PEX7: variants seen among roughly 807,000 people sequenced by gnomAD.
PEX7 encodes PTS2 receptor.
PEX7 carries 34 observed loss-of-function variants against 47.5 expected under a neutral mutation model. The ratio of observed to expected loss-of-function variants is 0.72; its 90% CI spans 0.54 to 0.95. PEX7 has a LOEUF of 0.95. PEX7 is among the 40% of genes least tolerant of loss of function. The probability of loss-of-function intolerance (pLI) is 0.00; values close to 1 mark genes in which losing one functional copy is unlikely to be tolerated. For missense variants in PEX7, 394 were observed against 400.3 expected, an observed-to-expected ratio of 0.98 and a Z score of 0.13; for synonymous variants, 141 against 148.8, an observed-to-expected ratio of 0.95 and a Z score of 0.38.
intron 3 of PEX7, among the ~76,000 whole-genome samples, chr6:136,836,601 T>G (rs988907815): frequency 3.9e-5 from 6 of 152,208 alleles, no homozygotes; most frequent in Admixed American, 3.3e-4. Flanking sequence ...ATTATTCAAG[T>G]GACTTTAAAA....
chr6:136,910,996 T>C (rs985399084), intron 9 of PEX7, among the ~76,000 whole-genome samples: 1 of 152,238 alleles, frequency 6.6e-6, no homozygotes, highest in African/African-American at 2.4e-5. Flanking sequence ...TTACTATTTT[T>C]AGGTATAATT....
chr6:136,837,154 A>G (rs1255968301), intron 3 of PEX7, among the ~76,000 whole-genome samples: 1 of 151,876 alleles, frequency 6.6e-6, no homozygotes, highest in East Asian at 1.9e-4. Flanking sequence ...GGGTCAGGAG[A>G]TTGAGACCAT....
chr6:136,853,422 G>T (rs559320413), intron 5 of PEX7, among the ~76,000 whole-genome samples: 1 of 152,252 alleles, frequency 6.6e-6, no homozygotes, highest in South Asian at 2.1e-4. Context: ...TCCTCTTTCA[G>T]TTATGCAGCA....
chr6:136,855,740 A>G (rs1306910418), intron 5 of PEX7: 2 of 403,686 alleles, frequency 5.0e-6, no homozygotes, highest in Non-Finnish European at 9.6e-6. Context: ...ACAAACACCC[A>G]GTTTGCCTGA....
In PEX7 at chr6:136,869,248, A is replaced by AT. The variant is rs553783176; in HGVS notation, c.634-632dup. Among the ~76,000 whole-genome samples, 557 of 148,162 alleles carry AT rather than the reference A, an allele frequency of 3.8e-3. 1 individual carries two copies. The highest frequency in any genetic ancestry group is 5.1e-3 in the Non-Finnish European group (340 of 66,548). On this transcript the variant is annotated intron_variant, in intron 6 of 9. Transcript: ENST00000318471. ...CCTTGAAAACCTTTTTTAAATTTTT[A>AT]TTTTTTTTTTAGAGACAGGGTCTCG...
rs114208920 is a variant in PEX7 at position 136,867,798 on chromosome 6, C to A, written c.633+1065C>A. Among the ~76,000 whole-genome samples, 1,170 of 131,244 alleles carry A rather than the reference C, an allele frequency of 8.9e-3. 15 individuals are homozygous for A. Among genetic ancestry groups the A allele is most frequent in the African/African-American group, 0.029 (1,110 of 37,684 alleles). The allele number at this position is 131,244 out of a possible 152,430, so 86.1% of individuals were successfully genotyped here. A position where few individuals can be genotyped will look rare whatever the true frequency, so the allele number is the denominator to read the frequency against. ...CTCAAAACAACAACAACAACAACAA[C>A]AAAAAACTTTAAAAAAAATTAGAAA... On this transcript the variant is annotated intron_variant, in intron 6 of 9. Coordinates refer to ENST00000318471, the MANE Select transcript of PEX7 (RefSeq NM_000288.4).
chr6:136,869,773 A>G, intron 6 of PEX7, 117 bp from the exon 7 acceptor site: 1 of 821,170 alleles, frequency 1.2e-6, no homozygotes, highest in South Asian at 1.3e-5. Context: ...CTCAAAAATG[A>G]CTCCTTGGTT....
At chr6:136,884,301 A>G (rs1273324419) in intron 8 of PEX7, among the ~76,000 whole-genome samples, 1 of 152,178 alleles carries the variant, frequency 6.6e-6, no homozygotes, top group Admixed American at 6.6e-5. Flanking sequence ...TATCCTCTGA[A>G]GAATTTTAAA....
chr6:136,854,288 C>A (rs1000248919), intron 5 of PEX7, among the ~76,000 whole-genome samples: 1 of 152,134 alleles, frequency 6.6e-6, no homozygotes, highest in African/African-American at 2.4e-5. Flanking sequence ...CCTCCGCCTC[C>A]CGGGTTCAAG....
chr6:136,854,061 C>G (rs1450080842), intron 5 of PEX7, among the ~76,000 whole-genome samples: 1 of 122,036 alleles, frequency 8.2e-6, no homozygotes, highest in East Asian at 2.2e-4. Context: ...GTCTTTTATC[C>G]TTCTGTAACA....
In PEX7 at chr6:136,855,500, C is replaced by T. The variant is rs150311714; in HGVS notation, c.526+9319C>T. On this transcript the variant is annotated intron_variant, in intron 5 of 9. Transcript: ENST00000318471. The stretch of plus-strand genomic sequence containing the variant: ...GATTACAGGCACGTGCCACTATGCC[C>T]GGCTAATTTTTGTATTTTTAGTAGA... Among the ~76,000 whole-genome samples, 430 of 152,086 alleles carry T rather than the reference C, an allele frequency of 2.8e-3. 6 individuals carry two copies. The highest frequency in any genetic ancestry group is 9.9e-3 in the African/African-American group (412 of 41,514).
chr6:136,866,597 G>A (rs1438200341), intron 5 of PEX7, 30 bp from the exon 6 acceptor site: 1 of 1,568,098 alleles, frequency 6.4e-7, no homozygotes, highest in Admixed American at 1.7e-5. Context: ...GTGGTGTGAT[G>A]GGAAATGATC....
chr6:136,893,152 AC>A (rs1775585825), intron 8 of PEX7, among the ~76,000 whole-genome samples: 2 of 152,192 alleles, frequency 1.3e-5, no homozygotes, highest in Admixed American at 6.5e-5. Context: ...AGGCAAACTG[AC>A]CACACAAATT....
chr6:136,871,696 T>A (rs1775184820), intron 7 of PEX7, among the ~76,000 whole-genome samples: 1 of 152,094 alleles, frequency 6.6e-6, no homozygotes, highest in South Asian at 2.1e-4. Context: ...GAAGCTGAGA[T>A]TATAGGCATA....
intron 8 of PEX7, among the ~76,000 whole-genome samples, chr6:136,876,326 T>C (rs1478820836): frequency 2.6e-5 from 4 of 152,284 alleles, no homozygotes; most frequent in Middle Eastern, 3.4e-3. Context: ...CGTGAGCCAC[T>C]GCGCCCGGCC....
At position 136,861,579 on chromosome 6, in the gene PEX7, G is replaced by GT. The variant is rs200085865; in HGVS notation, c.527-5039dup. Among the ~76,000 whole-genome samples the GT allele has an allele frequency of 4.0e-3, 606 of 150,722 alleles. 2 individuals carry two copies. The highest frequency in any genetic ancestry group is 0.013 in the African/African-American group (554 of 41,094). Reference sequence around the variant, plus strand: ...TGGAAACCTCGAGCTTAATTAAATGGTTTTTTTTTAGCTAGTTTCAGGAGA... The same window carrying GT: ...TGGAAACCTCGAGCTTAATTAAATGGTTTTTTTTTTAGCTAGTTTCAGGAGA... On this transcript the variant is annotated intron_variant, in intron 5 of 9. Coordinates refer to ENST00000318471, the MANE Select transcript of PEX7 (RefSeq NM_000288.4).
chr6:136,828,237 C>T (rs1774232684), intron 3 of PEX7, among the ~76,000 whole-genome samples: 1 of 152,008 alleles, frequency 6.6e-6, no homozygotes, highest in Non-Finnish European at 1.5e-5. Flanking sequence ...TTTTAGTGTA[C>T]ATTGAGATAA....
At chr6:136,867,223 A>G (rs1775087768) in intron 6 of PEX7, among the ~76,000 whole-genome samples, 1 of 152,202 alleles carries the variant, frequency 6.6e-6, no homozygotes, top group Admixed American at 6.5e-5. Flanking sequence ...TTAAAGCTTC[A>G]GTTAACCACA....
intron 3 of PEX7, among the ~76,000 whole-genome samples, chr6:136,835,101 T>C (rs1294824686): frequency 6.6e-6 from 1 of 151,778 alleles, no homozygotes; most frequent in Admixed American, 6.6e-5. Context: ...AATTTTGTAT[T>C]TTTAGTAGAG....
Sources: allele counts gnomAD v4.1 joint callset (sites outside exome capture counted in the v4.1 genomes callset), GRCh38; gene constraint gnomAD v4.1.1; transcripts MANE v1.5; gene names NCBI Gene and HGNC (gene_info 2026-07-23, HGNC 2026-07-21).